PRKD1: variants seen among roughly 807,000 people sequenced by gnomAD.
PRKD1 encodes protein kinase D1, also known as serine/threonine-protein kinase D1.
A neutral mutation model predicts 95.9 loss-of-function variants in PRKD1; 63 were observed. The ratio of observed to expected loss-of-function variants is 0.66; its 90% CI spans 0.54 to 0.81. The LOEUF is 0.81. Ranked by LOEUF, PRKD1 falls within the 30% of genes least tolerant of loss-of-function variation. The pLI is 0.00. For synonymous variants in PRKD1, 425 were observed against 423.1 expected (o/e 1.00, Z -0.05); for missense variants, 1,048 against 1,165.3 (o/e 0.90, Z 1.47).
intron 1 of PRKD1, among the ~76,000 whole-genome samples, chr14:29,835,964 T>G (rs541130919): frequency 6.6e-6 from 1 of 152,254 alleles, no homozygotes; most frequent in East Asian, 1.9e-4. Context: ...TAAAACCCAA[T>G]ATAATGTATT....
At chr14:29,907,037 T>C (rs1314815246) in intron 1 of PRKD1, among the ~76,000 whole-genome samples, 3 of 152,262 alleles carry the variant, frequency 2.0e-5, no homozygotes, top group African/African-American at 7.2e-5. Flanking sequence ...ATATTTCAAC[T>C]AGGTATCCAC....
intron 1 of PRKD1, among the ~76,000 whole-genome samples, chr14:29,857,739 G>A (rs768844215): frequency 1.3e-5 from 2 of 152,174 alleles, no homozygotes; most frequent in Admixed American, 6.5e-5. Context: ...GCGGGGAGGA[G>A]AAAGGAGGAC....
intron 1 of PRKD1, among the ~76,000 whole-genome samples, chr14:29,918,927 ATACT>A (rs1894986286): frequency 6.6e-6 from 1 of 152,346 alleles, no homozygotes; most frequent in Admixed American, 6.5e-5. Context: ...ATGCACATTC[ATACT>A]TTTCATTCAT....
At chr14:29,910,483 G>A (rs757403533) in intron 1 of PRKD1, among the ~76,000 whole-genome samples, 3 of 152,114 alleles carry the variant, frequency 2.0e-5, no homozygotes, top group Non-Finnish European at 4.4e-5. Context: ...TTTGGACACA[G>A]TTTCACAAAG....
chr14:29,630,963 G>T lies in PRKD1; in HGVS notation c.1451C>A (p.Pro484His). The change falls in exon 10 of 18, where the codon CCT (proline) becomes CAT (histidine). Residue 484 changes from proline to histidine, a missense_variant. Transcript: ENST00000331968. ...GAAACAATGAGGATTGGCCCCATTA[G>T]GAATTAAAGCTGAAGTTTTTACTGG... ...LEPVKTSALIPNGANPHCFEI... is the reference protein window; with the variant it reads ...LEPVKTSALIHNGANPHCFEI... The T allele has an allele frequency of 6.2e-7, 1 of 1,613,858 alleles. No individual in the cohort carries two copies. The highest frequency in any genetic ancestry group is 1.1e-5 in the South Asian group (1 of 91,070).
In PRKD1 at chr14:29,927,534, G is replaced by C. The variant is rs1895355207; in HGVS notation, c.-22C>G. The C allele has an allele frequency of 3.5e-6, 4 of 1,153,780 alleles. No individual in the cohort carries two copies. Among genetic ancestry groups the C allele is most frequent in the East Asian group, 4.3e-5 (1 of 23,482 alleles). 71.5% of individuals were successfully genotyped at this position (1,153,780 alleles called of 1,614,324 possible). ...TCATCGCTCGGCGGGGCGCAGGGCC[G>C]GGCAGCGGAGGGCGGGGGCTGGCGG... On this transcript the variant is annotated 5_prime_UTR_variant, in exon 1 of 18. Coordinates refer to ENST00000331968, the MANE Select transcript of PRKD1 (RefSeq NM_002742.3).
At chr14:29,757,468 G>A (rs1887759663) in intron 1 of PRKD1, among the ~76,000 whole-genome samples, 1 of 152,090 alleles carries the variant, frequency 6.6e-6, no homozygotes, top group Non-Finnish European at 1.5e-5. Context: ...GAAGAGGCAT[G>A]TGCAAATACA....
intron 13 of PRKD1, among the ~76,000 whole-genome samples, chr14:29,621,891 A>T (rs931852892): frequency 1.3e-5 from 2 of 152,216 alleles, no homozygotes; most frequent in African/African-American, 2.4e-5. Context: ...TGACCTTTTC[A>T]TATGGTCCAG....
At chr14:29,916,801 T>C (rs1384385255) in intron 1 of PRKD1, among the ~76,000 whole-genome samples, 3 of 152,148 alleles carry the variant, frequency 2.0e-5, no homozygotes, top group African/African-American at 7.2e-5. Context: ...GTATCAAGTC[T>C]CACCCTAATA....
At chr14:29,727,528 G>A (rs1396664408) in intron 1 of PRKD1, among the ~76,000 whole-genome samples, 2 of 151,374 alleles carry the variant, frequency 1.3e-5, no homozygotes, top group African/African-American at 2.4e-5. Context: ...ATGGTTTTAG[G>A]TCTAACGTTT....
At chr14:29,702,831 T>G (rs908319939) in intron 2 of PRKD1, among the ~76,000 whole-genome samples, 2 of 152,202 alleles carry the variant, frequency 1.3e-5, no homozygotes, top group African/African-American at 4.8e-5. Context: ...TTTAGCAATA[T>G]CCTAAAAGTG....
At chr14:29,787,171 G>T (rs1889310852) in intron 1 of PRKD1, among the ~76,000 whole-genome samples, 1 of 138,236 alleles carries the variant, frequency 7.2e-6, no homozygotes, top group Non-Finnish European at 1.6e-5. Flanking sequence ...TTCTAGTTGT[G>T]TTCCACTGTG....
At chr14:29,724,690 CTCTG>C (rs1327721167) in intron 2 of PRKD1, among the ~76,000 whole-genome samples, 1 of 152,136 alleles carries the variant, frequency 6.6e-6, no homozygotes, top group Non-Finnish European at 1.5e-5. Flanking sequence ...AAACTTGAGA[CTCTG>C]TAATGCTGCT....
chr14:29,680,422 C>T (rs1324686128), intron 2 of PRKD1, among the ~76,000 whole-genome samples: 4 of 151,886 alleles, frequency 2.6e-5, no homozygotes, highest in Non-Finnish European at 4.4e-5. Context: ...GTAAGAACCC[C>T]GGATGGTTAA....
chr14:29,680,124 A>G (rs1445719573), intron 2 of PRKD1, among the ~76,000 whole-genome samples: 2 of 152,226 alleles, frequency 1.3e-5, no homozygotes, highest in African/African-American at 2.4e-5. Context: ...TTGAGGCTCT[A>G]GAATGCAATA....
chr14:29,654,264 C>T (rs953882443), intron 4 of PRKD1, among the ~76,000 whole-genome samples: 1 of 152,172 alleles, frequency 6.6e-6, no homozygotes, highest in East Asian at 1.9e-4. Context: ...CTCTGCCTCT[C>T]GGGTTCAAGC....
At chr14:29,621,999 C>A (rs546549069) in intron 13 of PRKD1, among the ~76,000 whole-genome samples, 63 of 152,248 alleles carry the variant, frequency 4.1e-4, no homozygotes, top group African/African-American at 1.5e-3. Context: ...GAGTTGTCTG[C>A]ATCTAATATT....
chr14:29,895,681 G>A (rs1346201114), intron 1 of PRKD1, among the ~76,000 whole-genome samples: 2 of 152,068 alleles, frequency 1.3e-5, no homozygotes, highest in Non-Finnish European at 2.9e-5. Context: ...TGGCAGCCTC[G>A]CTGCTGTCCT....
At chr14:29,914,192 G>A (rs901023583) in intron 1 of PRKD1, among the ~76,000 whole-genome samples, 3 of 152,150 alleles carry the variant, frequency 2.0e-5, no homozygotes, top group Admixed American at 6.5e-5. Context: ...ATTAGTCTAC[G>A]AGGGAAGTTA....
Sources: gnomAD v4.1 joint callset for allele counts (sites outside exome capture counted in the v4.1 genomes callset) on GRCh38, gnomAD v4.1.1 for gene constraint, MANE v1.5 for transcripts, NCBI Gene and HGNC (gene_info 2026-07-23, HGNC 2026-07-21) for gene names.